Variants in RASGRF2 observed in about 807,000 individuals in gnomAD.
RASGRF2 encodes the protein ras-specific guanine nucleotide-releasing factor 2.
In RASGRF2, 76 loss-of-function variants were observed where a neutral mutation model predicts 151.0. The ratio of observed to expected loss-of-function variants is 0.50; its 90% CI spans 0.42 to 0.61. RASGRF2 has a LOEUF of 0.61. Among genes scored for constraint, RASGRF2 ranks in the 20% least tolerant of loss-of-function variants. The pLI, the probability that RASGRF2 is intolerant of heterozygous loss-of-function variation, is 0.00. For missense variants in RASGRF2, 1,148 were observed against 1,564.6 expected (o/e 0.73, Z 4.49); for synonymous variants, 504 against 566.5 (o/e 0.89, Z 1.57).
intron 18 of RASGRF2, among the ~76,000 whole-genome samples, chr5:81,180,700 C>T (rs1754896052): frequency 7.4e-6 from 1 of 134,862 alleles, no homozygotes; most frequent in African/African-American, 2.7e-5. Context: ...AGACACAAAC[C>T]TCACGGTCCC....
At chr5:81,067,152 A>G (rs1751632705) in intron 2 of RASGRF2, among the ~76,000 whole-genome samples, 1 of 152,190 alleles carries the variant, frequency 6.6e-6, no homozygotes, top group Admixed American at 6.5e-5. Context: ...GGGATCACAT[A>G]TCTCCTGGGG....
chr5:81,071,519 A>G (rs560007368), intron 4 of RASGRF2, among the ~76,000 whole-genome samples: 7 of 152,302 alleles, frequency 4.6e-5, no homozygotes, highest in African/African-American at 1.7e-4. Flanking sequence ...TTTAAATTAT[A>G]TTTTATATTC....
intron 1 of RASGRF2, among the ~76,000 whole-genome samples, chr5:81,038,448 A>G (rs1361054886): frequency 6.6e-6 from 1 of 151,964 alleles, no homozygotes; most frequent in Non-Finnish European, 1.5e-5. Flanking sequence ...TATGAGTACA[A>G]TTAAATGTCT....
intron 1 of RASGRF2, among the ~76,000 whole-genome samples, 181 bp downstream of exon 1, chr5:80,961,207 C>T (rs1420590996): frequency 6.6e-6 from 1 of 152,202 alleles, no homozygotes; most frequent in Non-Finnish European, 1.5e-5. Flanking sequence ...CAGGGATTCT[C>T]CCATCTCCAT....
At chr5:81,021,413 T>A (rs1561558979) in intron 1 of RASGRF2, among the ~76,000 whole-genome samples, 1 of 152,188 alleles carries the variant, frequency 6.6e-6, no homozygotes, top group Non-Finnish European at 1.5e-5. Flanking sequence ...CTGCATTTAG[T>A]GGAGAGTAAT....
intron 1 of RASGRF2, among the ~76,000 whole-genome samples, chr5:81,030,682 G>A: frequency 6.6e-6 from 1 of 152,158 alleles, no homozygotes; most frequent in Non-Finnish European, 1.5e-5. Context: ...GCCAGTACCA[G>A]CCACTGCAAA....
At chr5:80,972,700 G>C (rs1747977750) in intron 1 of RASGRF2, among the ~76,000 whole-genome samples, 1 of 151,960 alleles carries the variant, frequency 6.6e-6, no homozygotes, top group African/African-American at 2.4e-5. Flanking sequence ...GGCTGGTCTT[G>C]AACTCCTGAC....
intron 17 of RASGRF2, among the ~76,000 whole-genome samples, chr5:81,174,342 G>A (rs527903074): frequency 6.6e-6 from 1 of 152,126 alleles, no homozygotes; most frequent in Non-Finnish European, 1.5e-5. Context: ...AGGAGTTTGG[G>A]GTACTGTTGG....
chr5:81,006,122 A>G (rs1048223125), intron 1 of RASGRF2, among the ~76,000 whole-genome samples: 11 of 152,244 alleles, frequency 7.2e-5, no homozygotes, highest in African/African-American at 2.7e-4. Context: ...TGTTTTTAAT[A>G]AAAATAAATC....
At chr5:80,994,974 G>C (rs1159158656) in intron 1 of RASGRF2, among the ~76,000 whole-genome samples, 1 of 152,066 alleles carries the variant, frequency 6.6e-6, no homozygotes. Context: ...AGTTTACTTA[G>C]GGCCGGGCAT....
At chr5:81,191,126 G>T (rs1360769228) in intron 18 of RASGRF2, among the ~76,000 whole-genome samples, 3 of 152,114 alleles carry the variant, frequency 2.0e-5, no homozygotes, top group Non-Finnish European at 4.4e-5. Context: ...ATCCGACCAG[G>T]CCTGGACCAG....
At chr5:81,061,027 T>A (rs201970073) in intron 2 of RASGRF2, among the ~76,000 whole-genome samples, 3 of 152,244 alleles carry the variant, frequency 2.0e-5, no homozygotes, top group Non-Finnish European at 4.4e-5. Context: ...CATGTACATA[T>A]AATGTTTATC....
chr5:81,057,977 CAGA>C (rs374108854), intron 2 of RASGRF2, among the ~76,000 whole-genome samples: 51 of 152,018 alleles, frequency 3.4e-4, no homozygotes, highest in African/African-American at 1.2e-3. Flanking sequence ...GCCTGGGCAA[CAGA>C]AGAAGAACCT....
intron 1 of RASGRF2, among the ~76,000 whole-genome samples, chr5:80,966,664 TTTG>T (rs377170720): frequency 3.9e-5 from 6 of 151,942 alleles, no homozygotes; most frequent in East Asian, 3.9e-4. Context: ...CAGTAGCAGG[TTTG>T]TTGTTGTTGT....
intron 1 of RASGRF2, among the ~76,000 whole-genome samples, chr5:81,009,589 A>G (rs1749388926): frequency 1.3e-5 from 2 of 152,246 alleles, no homozygotes; most frequent in Non-Finnish European, 2.9e-5. Context: ...AATCTCCACC[A>G]ATGGAGTAAC....
chr5:81,171,701 C>G lies in RASGRF2; in HGVS notation c.2687-8474C>G, dbSNP rs1309913842. Among the ~76,000 whole-genome samples the G allele has an allele frequency of 2.0e-5, 3 of 152,254 alleles. No homozygotes were observed. In the East Asian group the frequency reaches 5.8e-4, roughly 29 times the overall value. On this transcript the variant is annotated intron_variant, in intron 17 of 26. Transcript: ENST00000265080. ...ATATTTCTTGAATTTTTAGAGCACT[C>G]TATTTTAATTTTCCAACTGGTTCAT...
At chr5:81,111,909 C>T (rs896269954) in intron 13 of RASGRF2, among the ~76,000 whole-genome samples, 1 of 152,102 alleles carries the variant, frequency 6.6e-6, no homozygotes, top group Non-Finnish European at 1.5e-5. Context: ...TCTGTGTCCC[C>T]CTGTTTGGGA....
intron 8 of RASGRF2, 76 bp downstream of exon 8, chr5:81,085,987 T>C: frequency 6.3e-7 from 1 of 1,580,618 alleles, no homozygotes; most frequent in Non-Finnish European, 8.6e-7. Context: ...CTCCTGTATA[T>C]GTTCTAAGGA....
chr5:81,089,197 G>A (rs981952737), intron 9 of RASGRF2, among the ~76,000 whole-genome samples: 1 of 152,040 alleles, frequency 6.6e-6, no homozygotes, highest in Non-Finnish European at 1.5e-5. Context: ...GACCCATTGA[G>A]GCGTTTTCAA....
Sources: gnomAD v4.1 joint callset for allele counts (sites outside exome capture counted in the v4.1 genomes callset) on GRCh38, gnomAD v4.1.1 for gene constraint, MANE v1.5 for transcripts, NCBI Gene and HGNC (gene_info 2026-07-23, HGNC 2026-07-21) for gene names.